Variants in RIC1 observed in about 807,000 individuals in gnomAD.
The protein encoded by RIC1 is RIC1 partner of RAB6A GEF complex.
In RIC1, 88 loss-of-function variants were observed where a neutral mutation model predicts 169.0. The ratio of observed to expected loss-of-function variants is 0.52; its 90% CI spans 0.44 to 0.62. RIC1 has a LOEUF of 0.62. Ranked by LOEUF, RIC1 falls within the 20% of genes least tolerant of loss-of-function variation. The pLI is 0.00. For missense variants in RIC1, 1,877 were observed against 1,725.5 expected (o/e 1.09, Z -1.56); for synonymous variants, 790 against 601.5 (o/e 1.31, Z -4.59).
intron 1 of RIC1, among the ~76,000 whole-genome samples, chr9:5,649,161 A>G (rs902520878): frequency 2.0e-5 from 3 of 152,326 alleles, no homozygotes; most frequent in Middle Eastern, 3.4e-3. Flanking sequence ...TTAAACTCAA[A>G]ACTATATCAA....
At chr9:5,647,827 T>C (rs1192336014) in intron 1 of RIC1, among the ~76,000 whole-genome samples, 2 of 152,188 alleles carry the variant, frequency 1.3e-5, no homozygotes, top group Non-Finnish European at 2.9e-5. Context: ...AATTCTGACC[T>C]TTGAGGAAAA....
chr9:5,733,490 G>C (rs779731037), intron 7 of RIC1, among the ~76,000 whole-genome samples: 1 of 151,994 alleles, frequency 6.6e-6, no homozygotes, highest in Non-Finnish European at 1.5e-5. Context: ...GGATGGTCTT[G>C]ATCTCCTGAC....
intron 25 of RIC1, among the ~76,000 whole-genome samples, chr9:5,773,542 T>C (rs1827375039): frequency 6.6e-6 from 1 of 152,230 alleles, no homozygotes; most frequent in Admixed American, 6.5e-5. Context: ...AGCCCTGTCT[T>C]TATTACCAGT....
At chr9:5,754,741 T>A (rs1825904473) in intron 14 of RIC1, 100 bp from the exon 15 acceptor site, 1 of 678,340 alleles carries the variant, frequency 1.5e-6, no homozygotes, top group African/African-American at 1.8e-5. Flanking sequence ...AAAATAATAA[T>A]AATTTGAGCT....
chr9:5,686,891 G>A (rs1821281338), intron 2 of RIC1, among the ~76,000 whole-genome samples: 1 of 152,136 alleles, frequency 6.6e-6, no homozygotes, highest in Non-Finnish European at 1.5e-5. Context: ...CTTCTCTTTG[G>A]TGTTCTGGAA....
At chr9:5,645,630 C>G (rs1020699214) in intron 1 of RIC1, among the ~76,000 whole-genome samples, 1 of 152,182 alleles carries the variant, frequency 6.6e-6, no homozygotes, top group African/African-American at 2.4e-5. Flanking sequence ...GTGGGTACCT[C>G]AGACAAGTGG....
intron 3 of RIC1, chr9:5,713,257 TACAAA>T (rs1823041692): frequency 6.6e-6 from 1 of 152,208 alleles, no homozygotes; most frequent in Non-Finnish European, 1.5e-5. Flanking sequence ...AGATAAAGAA[TACAAA>T]ACAACCTGTA....
rs189432225 is a variant in RIC1, at chr9:5,702,002, A to G, written c.333-11894A>G. On this transcript the variant is annotated intron_variant, in intron 3 of 25. Transcript: ENST00000414202. ...CAGGAAATAAGGCCTCCAAGGGGACACTCATCTTTACTCATTTAAGACATT... is the reference window on the plus strand; with the variant it reads ...CAGGAAATAAGGCCTCCAAGGGGACGCTCATCTTTACTCATTTAAGACATT... Among the ~76,000 whole-genome samples, 516 of 152,322 alleles carry G rather than the reference A, an allele frequency of 3.4e-3. 4 individuals carry two copies. The highest frequency in any genetic ancestry group is 0.011 in the African/African-American group (476 of 41,574).
Position 5,720,600 on chromosome 9 carries a change from A to T in RIC1, c.584-14A>T, listed in dbSNP as rs1823529143. 2.5e-6 allele frequency: 4 copies of T among 1,574,204 alleles called. No homozygotes were observed. The highest frequency in any genetic ancestry group is 3.4e-6 in the Non-Finnish European group (4 of 1,167,782). The stretch of plus-strand genomic sequence containing the variant: ...ATTCTTAATCCTATTTCATGTGCTT[A>T]TTTTTTTCATCAGTAGGTTCATTCC... On this transcript the variant is annotated splice_polypyrimidine_tract_variant and intron_variant, in intron 5 of 25. Transcript: ENST00000414202.
chr9:5,713,325 A>T (rs1482412010), intron 3 of RIC1: 1 of 152,288 alleles, frequency 6.6e-6, no homozygotes, highest in Non-Finnish European at 1.5e-5. Flanking sequence ...TTGACCCAGC[A>T]CTCTACTGCA....
chr9:5,639,053 C>G (rs1818111121), intron 1 of RIC1, among the ~76,000 whole-genome samples: 1 of 152,104 alleles, frequency 6.6e-6, no homozygotes, highest in Non-Finnish European at 1.5e-5. Flanking sequence ...ATAGTTGGGA[C>G]TACAGTTGCA....
chr9:5,699,305 G>C (rs2130762537), intron 3 of RIC1, among the ~76,000 whole-genome samples: 1 of 152,296 alleles, frequency 6.6e-6, no homozygotes, highest in South Asian at 2.1e-4. Flanking sequence ...GCCCCAGTCT[G>C]AGCGAGTGTG....
chr9:5,712,533 G>A (rs1227067134), intron 3 of RIC1, among the ~76,000 whole-genome samples: 1 of 152,174 alleles, frequency 6.6e-6, no homozygotes, highest in East Asian at 1.9e-4. Flanking sequence ...CAAAGGATAT[G>A]AACAGACACT....
At chr9:5,740,936 A>T (rs921307268) in intron 8 of RIC1, among the ~76,000 whole-genome samples, 1 of 152,076 alleles carries the variant, frequency 6.6e-6, no homozygotes, top group African/African-American at 2.4e-5. Flanking sequence ...TTTGCCCACC[A>T]TATCTTTGAC....
intron 4 of RIC1, 105 bp from the exon 5 acceptor site, chr9:5,720,077 G>C (rs906214655): frequency 1.9e-5 from 15 of 791,224 alleles, no homozygotes; most frequent in Non-Finnish European, 3.0e-5. Flanking sequence ...TTTGTAAATG[G>C]TTTCATGATC....
chr9:5,690,831 C>A (rs902912303), intron 3 of RIC1, among the ~76,000 whole-genome samples: 1 of 151,768 alleles, frequency 6.6e-6, no homozygotes, highest in African/African-American at 2.4e-5. Flanking sequence ...TGCCAATAAG[C>A]ACACAGAGAT....
chr9:5,760,724 T>C (rs532828479), intron 17 of RIC1, among the ~76,000 whole-genome samples: 80 of 152,368 alleles, frequency 5.3e-4, no homozygotes, highest in African/African-American at 1.9e-3. Flanking sequence ...TAACCAATTT[T>C]TTTATTTAGT....
At chr9:5,640,925 C>T (rs1818207055) in intron 1 of RIC1, among the ~76,000 whole-genome samples, 2 of 151,902 alleles carry the variant, frequency 1.3e-5, no homozygotes, top group South Asian at 4.2e-4. Flanking sequence ...CATATTGTGC[C>T]ACTCTCTCCT....
At chr9:5,648,332 G>C (rs950797127) in intron 1 of RIC1, among the ~76,000 whole-genome samples, 1 of 151,990 alleles carries the variant, frequency 6.6e-6, no homozygotes, top group African/African-American at 2.4e-5. Flanking sequence ...GAGATAGTTT[G>C]CTTCTATTCA....
Sources: allele counts gnomAD v4.1 joint callset (sites outside exome capture counted in the v4.1 genomes callset), GRCh38; gene constraint gnomAD v4.1.1; transcripts MANE v1.5; gene names NCBI Gene and HGNC (gene_info 2026-07-23, HGNC 2026-07-21).